Variants in COX7B2 observed in about 807,000 individuals in gnomAD.
COX7B2 encodes the protein cytochrome c oxidase subunit 7B2.
For synonymous variants in COX7B2, 37 were observed against 32.1 expected (o/e 1.15, Z -0.51); for missense variants, 109 against 95.9 (o/e 1.14, Z -0.57).
chr4:46,825,178 C>T (rs1049616792), intron 2 of COX7B2, among the ~76,000 whole-genome samples: 1 of 152,074 alleles, frequency 6.6e-6, no homozygotes, highest in African/African-American at 2.4e-5. Context: ...CCAACTTCAG[C>T]AAAGTTGCAG....
At chr4:46,794,994 C>CAGGG (rs1209644828) in intron 2 of COX7B2, among the ~76,000 whole-genome samples, 4,809 of 151,896 alleles carry the variant, frequency 0.032, 295 homozygotes, top group African/African-American at 0.1. Flanking sequence ...AAAGGAGAGT[C>CAGGG]TTCTTTTGAG....
intron 2 of COX7B2, among the ~76,000 whole-genome samples, chr4:46,784,393 G>A (rs541681092): frequency 9.9e-5 from 15 of 152,240 alleles, no homozygotes; most frequent in East Asian, 7.7e-4. Flanking sequence ...TTGAGAGGCC[G>A]AGGCAGACAG....
chr4:46,907,441 C>G (rs751779639), intron 1 of COX7B2, among the ~76,000 whole-genome samples: 3 of 152,108 alleles, frequency 2.0e-5, no homozygotes, highest in Non-Finnish European at 4.4e-5. Flanking sequence ...ATTTTTAGAA[C>G]CAGATATTCC....
intron 1 of COX7B2, among the ~76,000 whole-genome samples, chr4:46,887,904 C>T (rs531142488): frequency 6.6e-6 from 1 of 152,082 alleles, no homozygotes; most frequent in Admixed American, 6.6e-5. Context: ...ATTCTGTTGT[C>T]GTCTCCTAGA....
At position 46,735,256 on chromosome 4, in the gene COX7B2, A is replaced by G; in HGVS notation, c.-49-15T>C. The G allele has an allele frequency of 6.4e-6, 10 of 1,574,104 alleles. No individual in the cohort carries two copies. Among genetic ancestry groups the G allele is most frequent in the East Asian group, 2.2e-5 (1 of 44,658 alleles). ...TTGCAAAGAGGCTGGAAAGAGAGAA[A>G]AGATATGCATTGATGTCCAATCTTT... On this transcript the variant is annotated splice_polypyrimidine_tract_variant and intron_variant, in intron 2 of 2. Transcript: ENST00000355591.
chr4:46,831,993 C>T (rs1447489901), intron 2 of COX7B2, among the ~76,000 whole-genome samples: 1 of 152,134 alleles, frequency 6.6e-6, no homozygotes, highest in Non-Finnish European at 1.5e-5. Context: ...GGTAAATGCA[C>T]CAATCAGCAC....
chr4:46,808,155 T>C (rs950608408), intron 2 of COX7B2, among the ~76,000 whole-genome samples: 1 of 151,896 alleles, frequency 6.6e-6, no homozygotes, highest in African/African-American at 2.4e-5. Flanking sequence ...TTATCCATGA[T>C]AACAAGGTAC....
intron 1 of COX7B2, among the ~76,000 whole-genome samples, chr4:46,892,764 A>G (rs1488950053): frequency 6.6e-6 from 1 of 152,132 alleles, no homozygotes; most frequent in African/African-American, 2.4e-5. Flanking sequence ...GGAAGTAATT[A>G]TTTTCATGGA....
intron 2 of COX7B2, among the ~76,000 whole-genome samples, chr4:46,823,711 C>G (rs1045631046): frequency 6.6e-6 from 1 of 151,184 alleles, no homozygotes; most frequent in Admixed American, 6.6e-5. Flanking sequence ...AAAATGGTAG[C>G]AAACTAAATA....
At chr4:46,832,199 C>T (rs943573659) in intron 2 of COX7B2, among the ~76,000 whole-genome samples, 2 of 152,148 alleles carry the variant, frequency 1.3e-5, no homozygotes, top group African/African-American at 4.8e-5. Flanking sequence ...TGGGTCCACA[C>T]TGCCTTTATG....
At chr4:46,878,406 T>C (rs992209242) in intron 1 of COX7B2, among the ~76,000 whole-genome samples, 2 of 148,778 alleles carry the variant, frequency 1.3e-5, no homozygotes, top group Admixed American at 1.3e-4. Flanking sequence ...GCTCTTACCA[T>C]AAAAAAAAAG....
At chr4:46,789,374 G>A (rs532594134) in intron 2 of COX7B2, among the ~76,000 whole-genome samples, 1 of 152,150 alleles carries the variant, frequency 6.6e-6, no homozygotes, top group East Asian at 1.9e-4. Flanking sequence ...GTTAGTTCTG[G>A]TCAAAAACAA....
intron 2 of COX7B2, among the ~76,000 whole-genome samples, chr4:46,760,122 G>A (rs1408791479): frequency 6.6e-6 from 1 of 151,992 alleles, no homozygotes; most frequent in Non-Finnish European, 1.5e-5. Context: ...AAGGAGATTA[G>A]TTCAACCATT....
At chr4:46,877,843 A>G (rs1217830626) in intron 1 of COX7B2, among the ~76,000 whole-genome samples, 1 of 152,174 alleles carries the variant, frequency 6.6e-6, no homozygotes, top group African/African-American at 2.4e-5. Flanking sequence ...AACAAAAACC[A>G]TAACAACCAC....
intron 1 of COX7B2, among the ~76,000 whole-genome samples, chr4:46,888,886 A>G (rs753800248): frequency 2.2e-4 from 33 of 152,160 alleles, no homozygotes; most frequent in Non-Finnish European, 4.7e-4. Context: ...GCACCAACAG[A>G]TATCTTTAAG....
intron 1 of COX7B2, among the ~76,000 whole-genome samples, chr4:46,874,016 T>C (rs1017678595): frequency 2.0e-5 from 3 of 152,180 alleles, no homozygotes; most frequent in African/African-American, 7.2e-5. Context: ...GTCCAATGGG[T>C]AAATGGGATT....
At chr4:46,766,479 C>T (rs192592915) in intron 2 of COX7B2, among the ~76,000 whole-genome samples, 2 of 152,120 alleles carry the variant, frequency 1.3e-5, no homozygotes, top group African/African-American at 4.8e-5. Flanking sequence ...GCGGGTGGAT[C>T]ACTTGAGCTC....
intron 2 of COX7B2, among the ~76,000 whole-genome samples, chr4:46,806,837 C>T (rs560188875): frequency 6.6e-6 from 1 of 152,080 alleles, no homozygotes; most frequent in South Asian, 2.1e-4. Flanking sequence ...CATGTTATAA[C>T]AAAGGGCAAG....
Position 46,909,164 on chromosome 4 carries a change from G to GA in COX7B2, c.-110dup, listed in dbSNP as rs1172545986. 6.6e-6 allele frequency: 1 copy of GA among 152,156 alleles called. No individual in the cohort carries two copies. Among genetic ancestry groups the GA allele is most frequent in the Non-Finnish European group, 1.5e-5 (1 of 68,050 alleles). 9.4% of individuals were successfully genotyped at this position (152,156 alleles called of 1,614,324 possible). A position where few individuals can be genotyped will look rare whatever the true frequency, so the allele number is the denominator to read the frequency against. On this transcript the variant is annotated 5_prime_UTR_variant, in exon 1 of 3. Coordinates refer to ENST00000355591, the MANE Select transcript of COX7B2 (RefSeq NM_130902.3). ...CCCAGAATGAGACAAACTTACCAAG[G>GA]ACGTCACAGGTAACAGGCAAAAAAA...
Sources: gnomAD v4.1 joint callset for allele counts (sites outside exome capture counted in the v4.1 genomes callset) on GRCh38, gnomAD v4.1.1 for gene constraint, MANE v1.5 for transcripts, NCBI Gene and HGNC (gene_info 2026-07-23, HGNC 2026-07-21) for gene names.